AKAP6: variants seen among roughly 807,000 people sequenced by gnomAD.
AKAP6 encodes the protein A-kinase anchoring protein 6.
A neutral mutation model predicts 188.5 loss-of-function variants in AKAP6; 58 were observed. The ratio of observed to expected loss-of-function variants is 0.31; its 90% confidence interval spans 0.25 to 0.38. AKAP6 has a LOEUF of 0.38. Among genes scored for constraint, AKAP6 ranks in the 10% least tolerant of loss-of-function variants. The pLI is 1.00. For missense variants in AKAP6, 2,710 were observed against 2,740.0 expected, an observed-to-expected ratio of 0.99 and a Z score of 0.24; for synonymous variants, 989 against 998.6, an observed-to-expected ratio of 0.99 and a Z score of 0.18.
chr14:32,449,543 A>G (rs1029771174), intron 2 of AKAP6, among the ~76,000 whole-genome samples: 32 of 149,532 alleles, frequency 2.1e-4, no homozygotes, highest in South Asian at 4.2e-4. Context: ...AAAAAAAAAG[A>G]AAAAGGAAAA....
At chr14:32,723,390 T>G (rs1332887489) in intron 9 of AKAP6, among the ~76,000 whole-genome samples, 1 of 152,196 alleles carries the variant, frequency 6.6e-6, no homozygotes, top group Non-Finnish European at 1.5e-5. Flanking sequence ...TGGCAGCATG[T>G]TTTGTTCCTT....
intron 2 of AKAP6, among the ~76,000 whole-genome samples, chr14:32,463,996 G>A (rs961247979): frequency 6.6e-6 from 1 of 152,188 alleles, no homozygotes; most frequent in Non-Finnish European, 1.5e-5. Flanking sequence ...AGATCTAGAA[G>A]AAATGGATAA....
intron 12 of AKAP6, among the ~76,000 whole-genome samples, chr14:32,796,594 A>C (rs986011355): frequency 1.3e-5 from 2 of 152,230 alleles, no homozygotes; most frequent in Admixed American, 6.5e-5. Context: ...GAAAATTGAA[A>C]CTGGACCTCT....
At chr14:32,620,455 G>A (rs1168132346) in intron 7 of AKAP6, among the ~76,000 whole-genome samples, 3 of 151,814 alleles carry the variant, frequency 2.0e-5, no homozygotes, top group Non-Finnish European at 4.4e-5. Flanking sequence ...CTGTTTATAT[G>A]ATGAATCACA....
intron 9 of AKAP6, among the ~76,000 whole-genome samples, chr14:32,697,747 C>G (rs1890462375): frequency 6.6e-6 from 1 of 152,116 alleles, no homozygotes; most frequent in South Asian, 2.1e-4. Flanking sequence ...GTCAAAATCA[C>G]ATTCATATAA....
intron 2 of AKAP6, among the ~76,000 whole-genome samples, chr14:32,450,400 T>A (rs928304071): frequency 2.6e-5 from 4 of 151,978 alleles, no homozygotes; most frequent in Non-Finnish European, 5.9e-5. Context: ...CAAAATACAC[T>A]CTTCTATAAT....
At chr14:32,693,417 C>T (rs1441312784) in intron 8 of AKAP6, 1 of 152,144 alleles carries the variant, frequency 6.6e-6, no homozygotes, top group Non-Finnish European at 1.5e-5. Context: ...TCTCAAGAAC[C>T]CTGGAGTCTC....
chr14:32,456,517 T>C (rs1436331881), intron 2 of AKAP6, among the ~76,000 whole-genome samples: 1 of 152,220 alleles, frequency 6.6e-6, no homozygotes, highest in Non-Finnish European at 1.5e-5. Context: ...TATTATCAAA[T>C]AACAAAAATA....
intron 2 of AKAP6, among the ~76,000 whole-genome samples, chr14:32,466,827 T>TTATATATATATATATATATATATAGATA (rs776142584): frequency 8.7e-6 from 1 of 115,116 alleles, no homozygotes; most frequent in African/African-American, 5.0e-5. Flanking sequence ...AAAAACAAGA[T>TTATATATATATATATATATATATAGATA]TATATATATA....
chr14:32,753,098 T>C (rs2032201667), intron 11 of AKAP6, among the ~76,000 whole-genome samples: 1 of 152,216 alleles, frequency 6.6e-6, no homozygotes, highest in Non-Finnish European at 1.5e-5. Context: ...GTGGTAGTTC[T>C]GCTTTTAATT....
chr14:32,751,215 T>C (rs553697211), intron 11 of AKAP6, among the ~76,000 whole-genome samples: 12 of 152,308 alleles, frequency 7.9e-5, no homozygotes, highest in African/African-American at 2.6e-4. Context: ...TACTGGCTAT[T>C]GGATCATCTT....
intron 12 of AKAP6, among the ~76,000 whole-genome samples, chr14:32,800,665 A>T (rs1024682183): frequency 2.0e-5 from 3 of 149,374 alleles, no homozygotes; most frequent in Non-Finnish European, 4.5e-5. Context: ...TAGTGTTAGC[A>T]TGCTATCTTT....
At chr14:32,471,309 T>C (rs978246977) in intron 2 of AKAP6, among the ~76,000 whole-genome samples, 32 of 152,214 alleles carry the variant, frequency 2.1e-4, no homozygotes, top group African/African-American at 7.7e-4. Flanking sequence ...TCATTATCTC[T>C]GTATTTCTAC....
chr14:32,491,471 C>G (rs1880009534), intron 2 of AKAP6, among the ~76,000 whole-genome samples: 1 of 152,182 alleles, frequency 6.6e-6, no homozygotes, highest in African/African-American at 2.4e-5. Flanking sequence ...AAGTGGCTCT[C>G]TATAACCCAT....
intron 4 of AKAP6, among the ~76,000 whole-genome samples, chr14:32,561,675 A>G (rs1348140287): frequency 1.3e-5 from 2 of 152,222 alleles, no homozygotes; most frequent in Non-Finnish European, 2.9e-5. Context: ...CTGTAATATG[A>G]CAAGAGCCAG....
chr14:32,611,962 A>G (rs539887100), intron 7 of AKAP6, among the ~76,000 whole-genome samples: 33 of 152,272 alleles, frequency 2.2e-4, no homozygotes, highest in African/African-American at 2.4e-5. Context: ...GAAGGAAGCC[A>G]AAGAATTTAG....
At chr14:32,734,964 G>A (rs755067577) in intron 10 of AKAP6, among the ~76,000 whole-genome samples, 5 of 152,066 alleles carry the variant, frequency 3.3e-5, no homozygotes, top group Non-Finnish European at 7.4e-5. Flanking sequence ...CTGCCATAGT[G>A]GTTAATTTAA....
intron 12 of AKAP6, among the ~76,000 whole-genome samples, chr14:32,817,297 C>CT (rs890653451): frequency 6.6e-6 from 1 of 152,092 alleles, no homozygotes; most frequent in African/African-American, 2.4e-5. Context: ...CTTGGTTCTT[C>CT]TTTTTTTGTC....
rs753171223 is a variant in AKAP6, at chr14:32,545,665, C to A, written c.1012C>A (p.Gln338Lys). 1.2e-6 allele frequency: 2 copies of A among 1,614,140 alleles called. No individual in the cohort carries two copies. The highest frequency in any genetic ancestry group is 1.1e-5 in the South Asian group (1 of 91,076). ...AGGAGAAGCTCTGACAAATGCTGCT[C>A]AACCCTCCTCTGAGACTGTGCAGCA... is the stretch of plus-strand genomic sequence containing the variant. ...SSGEALTNAA[Q>K]PSSETVQQES... The change falls in exon 4 of 14, where the codon CAA becomes AAA. Residue 338 changes from glutamine (Q) to lysine (K), a missense_variant. By Grantham distance (53) the Gln-to-Lys change is moderately conservative. Transcript: ENST00000280979.
Sources: allele counts gnomAD v4.1 joint callset (sites outside exome capture counted in the v4.1 genomes callset), GRCh38; gene constraint gnomAD v4.1.1; transcripts MANE v1.5; gene names NCBI Gene and HGNC (gene_info 2026-07-23, HGNC 2026-07-21).